RPH3AL: variants seen among roughly 807,000 people sequenced by gnomAD.
RPH3AL encodes rab effector Noc2.
Under a neutral mutation model 43.1 loss-of-function variants are expected in RPH3AL, and 38 were observed. That is an observed-to-expected ratio of 0.88 (90% CI 0.68 to 1.15). The LOEUF (loss-of-function observed/expected upper bound fraction) is 1.15. Among genes scored for constraint, RPH3AL ranks in the 50% most tolerant of loss-of-function variants. RPH3AL has a pLI of 0.00. For synonymous variants in RPH3AL, 189 were observed against 176.3 expected (o/e 1.07, Z -0.57); for missense variants, 462 against 423.2 (o/e 1.09, Z -0.81).
At chr17:296,067 G>A (rs2043170752) in intron 5 of RPH3AL, among the ~76,000 whole-genome samples, 1 of 143,786 alleles carries the variant, frequency 7.0e-6, no homozygotes, top group Admixed American at 6.9e-5. Flanking sequence ...GAAATGGACG[G>A]GCAGAGGGAA....
intron 1 of RPH3AL, among the ~76,000 whole-genome samples, chr17:342,057 A>G (rs1246980503): frequency 1.3e-5 from 2 of 152,228 alleles, no homozygotes; most frequent in African/African-American, 4.8e-5. Flanking sequence ...AAGGATTTGA[A>G]AAGACATTTC....
intron 1 of RPH3AL, among the ~76,000 whole-genome samples, chr17:334,408 G>A (rs980121239): frequency 2.0e-4 from 30 of 152,318 alleles, no homozygotes; most frequent in South Asian, 2.1e-4. Context: ...CGTCCACTGC[G>A]GGGGGACAGG....
chr17:279,841 AG>A (rs2042736615), intron 6 of RPH3AL, among the ~76,000 whole-genome samples: 1 of 152,224 alleles, frequency 6.6e-6, no homozygotes, highest in South Asian at 2.1e-4. Context: ...CTGAAGAGGA[AG>A]GGAGGCCTCT....
At chr17:314,332 C>G (rs1198644814) in intron 5 of RPH3AL, among the ~76,000 whole-genome samples, 7 of 151,948 alleles carry the variant, frequency 4.6e-5, no homozygotes, top group African/African-American at 1.5e-4. Context: ...GGAGGAAGCA[C>G]ACTGCCAGCT....
intron 7 of RPH3AL, among the ~76,000 whole-genome samples, chr17:238,224 GAGAAA>G (rs746799981): frequency 1.3e-5 from 2 of 150,398 alleles, no homozygotes; most frequent in Non-Finnish European, 3.0e-5. Context: ...AGGAAGGAAG[GAGAAA>G]AGAAAAGAGG....
chr17:222,841 G>A (rs372733051), intron 7 of RPH3AL, among the ~76,000 whole-genome samples: 3 of 152,276 alleles, frequency 2.0e-5, no homozygotes, highest in East Asian at 3.9e-4. Flanking sequence ...GGTTTCCACA[G>A]TTGTCCTGCC....
At chr17:221,565 A>G (rs1417685039) in intron 7 of RPH3AL, among the ~76,000 whole-genome samples, 1 of 111,632 alleles carries the variant, frequency 9.0e-6, no homozygotes, top group African/African-American at 4.4e-5. Flanking sequence ...CACTGAGACA[A>G]TAGACCCAAG....
At chr17:331,591 C>T (rs2044767264) in intron 2 of RPH3AL, 2 of 1,284,524 alleles carry the variant, frequency 1.6e-6, no homozygotes, top group Middle Eastern at 2.1e-4. Context: ...CGAGGAGGCA[C>T]ATTTTAGGAA....
chr17:239,824 C>G (rs1018575754), intron 7 of RPH3AL, among the ~76,000 whole-genome samples: 25 of 152,188 alleles, frequency 1.6e-4, no homozygotes, highest in Non-Finnish European at 2.4e-4. Context: ...GAGACAGTGT[C>G]TCGTTACGTT....
At chr17:295,082 G>A in intron 5 of RPH3AL, among the ~76,000 whole-genome samples, 1 of 138,198 alleles carries the variant, frequency 7.2e-6, no homozygotes, top group Non-Finnish European at 1.5e-5. Flanking sequence ...AGTGTGGGAA[G>A]GACAGAGGAG....
At position 333,779 on chromosome 17, in the gene RPH3AL, C is replaced by G. The variant is rs867582688; in HGVS notation, c.-57G>C. The G allele has an allele frequency of 1.8e-5, 3 of 170,028 alleles. No individual in the cohort carries two copies. The highest frequency in any genetic ancestry group is 7.1e-5 in the African/African-American group (3 of 42,046). The allele number at this position is 170,028 out of a possible 1,614,324, so 10.5% of individuals were successfully genotyped here. ...GATACCTTTTCCATAGTCAGGTTCACAGCCACTCAAAGCTGTCAGCTGCAG... is the reference window on the plus strand; with the variant it reads ...GATACCTTTTCCATAGTCAGGTTCAGAGCCACTCAAAGCTGTCAGCTGCAG... On this transcript the variant is annotated 5_prime_UTR_variant, in exon 2 of 10. Transcript: ENST00000331302. The surrounding 1 kb of genome is among the most constrained non-coding windows in gnomAD (Gnocchi z 4.5).
Position 290,271 on chromosome 17 carries a change from C to G in RPH3AL, c.352-8417G>C, listed in dbSNP as rs1414285586. On this transcript the variant is annotated intron_variant, in intron 5 of 9. Coordinates refer to ENST00000331302, the MANE Select transcript of RPH3AL (RefSeq NM_006987.4). This position sits in a 1 kb window ranked among gnomAD's most constrained non-coding sequence, Gnocchi z 4.2. ...GGAGGCCAAACCAGGGAGAGCCACACAGCGGGCAAGTGTCCGAGGAGGTGG... is the reference window on the plus strand; with the variant it reads ...GGAGGCCAAACCAGGGAGAGCCACAGAGCGGGCAAGTGTCCGAGGAGGTGG... Among the ~76,000 whole-genome samples, 1 of 152,214 alleles carries G rather than the reference C, an allele frequency of 6.6e-6. No individual in the cohort carries two copies. Among genetic ancestry groups the G allele is most frequent in the Non-Finnish European group, 1.5e-5 (1 of 68,038 alleles).
At position 246,875 on chromosome 17, in the gene RPH3AL, GC is replaced by G; in HGVS notation, c.613+235del. Among the ~76,000 whole-genome samples the G allele has an allele frequency of 6.6e-6, 1 of 152,336 alleles. No individual in the cohort carries two copies. The highest frequency in any genetic ancestry group is 2.1e-4 in the South Asian group (1 of 4,830). Reference sequence around the variant, plus strand: ...CAGAGCAGTACTTGTATGTGATACTGCCCCCCGTGGGCCCTCCCGCCGCACT... The same window carrying G: ...CAGAGCAGTACTTGTATGTGATACTGCCCCCGTGGGCCCTCCCGCCGCACT... On this transcript the variant is annotated intron_variant, in intron 7 of 9. Transcript: ENST00000331302. The surrounding 1 kb of genome is among the most constrained non-coding windows in gnomAD (Gnocchi z 4.8).
At chr17:302,221 G>A (rs1236199445) in intron 5 of RPH3AL, among the ~76,000 whole-genome samples, 2 of 152,240 alleles carry the variant, frequency 1.3e-5, no homozygotes, top group Non-Finnish European at 2.9e-5. Flanking sequence ...CCGCAGGCAG[G>A]CCCGAGAGAG....
chr17:268,568 T>TG (rs1335996867), intron 6 of RPH3AL, among the ~76,000 whole-genome samples: 1 of 137,050 alleles, frequency 7.3e-6, no homozygotes, highest in East Asian at 2.1e-4. Flanking sequence ...TTTTTTTTTT[T>TG]TTTTTTTTTT....
rs757279074 is a variant in RPH3AL at position 333,022 on chromosome 17, G to A, written c.-37+737C>T. On this transcript the variant is annotated intron_variant, in intron 2 of 9. Coordinates refer to ENST00000331302, the MANE Select transcript of RPH3AL (RefSeq NM_006987.4). This position sits in a 1 kb window ranked among gnomAD's most constrained non-coding sequence, Gnocchi z 4.5. ...GCTCATCAGCCCCAGGCAACTTCCTGAGACAGATCGGTAAAAACAACCCCT... is the reference window on the plus strand; with the variant it reads ...GCTCATCAGCCCCAGGCAACTTCCTAAGACAGATCGGTAAAAACAACCCCT... 2.3e-6 allele frequency: 3 copies of A among 1,289,066 alleles called. No homozygotes were observed. Among genetic ancestry groups the A allele is most frequent in the Middle Eastern group, 4.3e-4 (2 of 4,690 alleles). The allele number at this position is 1,289,066 out of a possible 1,614,324, so 79.9% of individuals were successfully genotyped here. A position where few individuals can be genotyped will look rare whatever the true frequency, so the allele number is the denominator to read the frequency against.
At chr17:251,474 A>G (rs1473903162) in intron 6 of RPH3AL, among the ~76,000 whole-genome samples, 2 of 152,092 alleles carry the variant, frequency 1.3e-5, no homozygotes, top group Non-Finnish European at 2.9e-5. Flanking sequence ...GTTGGCCTCT[A>G]CTCCACACGG....
intron 6 of RPH3AL, among the ~76,000 whole-genome samples, chr17:279,766 T>C (rs756111745): frequency 3.3e-5 from 5 of 152,190 alleles, no homozygotes; most frequent in Non-Finnish European, 7.3e-5. Flanking sequence ...TCCATGGACA[T>C]GTGCATTGTC....
intron 5 of RPH3AL, among the ~76,000 whole-genome samples, chr17:313,948 C>T (rs150307003): frequency 3.9e-5 from 6 of 152,258 alleles, no homozygotes; most frequent in African/African-American, 7.2e-5. Context: ...AAAGATTCCC[C>T]GGCCTCATCA....
Sources: gnomAD v4.1 joint callset for allele counts (sites outside exome capture counted in the v4.1 genomes callset) on GRCh38, gnomAD v4.1.1 for gene constraint, Gnocchi (gnomAD v3.1) non-coding constraint, MANE v1.5 for transcripts, NCBI Gene and HGNC (gene_info 2026-07-23, HGNC 2026-07-21) for gene names.